The following PHACTR2 variants were observed in gnomAD, a reference collection of about 807,000 sequenced individuals.
The protein encoded by PHACTR2 is phosphatase and actin regulator 2.
In PHACTR2, 30 loss-of-function variants were observed where a neutral mutation model predicts 76.0. The ratio of observed to expected loss-of-function variants is 0.39; its 90% CI spans 0.30 to 0.54. The LOEUF (loss-of-function observed/expected upper bound fraction) is 0.54, where lower values mean the gene tolerates loss of function less well. Among genes scored for constraint, PHACTR2 ranks in the 20% least tolerant of loss-of-function variants. PHACTR2 has a pLI of 0.61. For missense variants in PHACTR2, 696 were observed against 781.1 expected (o/e 0.89, Z 1.30); for synonymous variants, 292 against 292.5 (o/e 1.00, Z 0.02).
rs759423268 is a variant in PHACTR2, at chr6:143,757,858, G to A, written c.455-2543G>A. ...ACATAGTGTTTACAGCATTGTGTTCGATGGAATTTTAAATTTCAGACAAAA... is the reference window on the plus strand; with the variant it reads ...ACATAGTGTTTACAGCATTGTGTTCAATGGAATTTTAAATTTCAGACAAAA... On this transcript the variant is annotated intron_variant, in intron 4 of 12. Transcript: ENST00000440869. This position sits in a 1 kb window ranked among gnomAD's most constrained non-coding sequence, Gnocchi z 4.2. Among the ~76,000 whole-genome samples, 43 of 152,174 alleles carry A rather than the reference G, an allele frequency of 2.8e-4. 1 individual carries two copies. In the Middle Eastern group the frequency reaches 0.021, roughly 73 times the overall value.
upstream of PHACTR2, among the ~76,000 whole-genome samples, chr6:143,675,278 T>G (rs971165895): frequency 6.6e-6 from 1 of 152,232 alleles, no homozygotes; most frequent in Non-Finnish European, 1.5e-5. This position sits in a 1 kb window ranked among gnomAD's most constrained non-coding sequence, Gnocchi z 4.9. Flanking sequence ...TAGATGCCAT[T>G]AGTCTATATT....
At chr6:143,669,540 A>T (rs1777106674) in intron 1 of PHACTR2, among the ~76,000 whole-genome samples, 1 of 152,180 alleles carries the variant, frequency 6.6e-6, no homozygotes, top group Non-Finnish European at 1.5e-5. Context: ...AACTTGCTTT[A>T]TAAATCAGGG....
At chr6:143,540,072 T>A (rs1781158793) in intron 1 of PHACTR2, among the ~76,000 whole-genome samples, 1 of 152,226 alleles carries the variant, frequency 6.6e-6, no homozygotes, top group Non-Finnish European at 1.5e-5. Flanking sequence ...GTTTGAAGAA[T>A]TTGTTTTAGT....
intron 4 of PHACTR2, among the ~76,000 whole-genome samples, chr6:143,756,005 T>C (rs1386179221): frequency 6.6e-6 from 1 of 151,974 alleles, no homozygotes; most frequent in East Asian, 1.9e-4. Context: ...ACCCTTTATT[T>C]TGGGATACAG....
chr6:143,771,585 G>A (rs924768157), intron 6 of PHACTR2, among the ~76,000 whole-genome samples: 56 of 151,230 alleles, frequency 3.7e-4, no homozygotes, highest in African/African-American at 1.3e-3. Context: ...TACAGGTGCC[G>A]GCCACCACTG....
Position 143,589,154 on chromosome 6 carries a change from T to G in PHACTR2, c.217+51947T>G, listed in dbSNP as rs971269911. 2.0e-5 allele frequency among the ~76,000 whole-genome samples: 3 copies of G among 152,192 alleles called. No homozygotes were observed. The highest frequency in any genetic ancestry group is 7.2e-5 in the African/African-American group (3 of 41,450). ...AGCAGGTATGGTCTCTTCCTAGGTA[T>G]CTCTCCTTGGCTTGCAGATGGCTGC... is the stretch of plus-strand genomic sequence containing the variant. On this transcript the variant is annotated intron_variant, in intron 1 of 11. Coordinates refer to the PHACTR2 transcript ENST00000367584. The surrounding 1 kb of genome is among the most constrained non-coding windows in gnomAD (Gnocchi z 4.4).
intron 9 of PHACTR2, among the ~76,000 whole-genome samples, chr6:143,778,884 T>C (rs1775348733): frequency 6.6e-6 from 1 of 152,222 alleles, no homozygotes; most frequent in Admixed American, 6.5e-5. Flanking sequence ...TCTGAGGAAC[T>C]GTTTCATAGA....
chr6:143,550,095 C>T lies in PHACTR2; in HGVS notation c.217+12888C>T, dbSNP rs1195218042. On this transcript the variant is annotated intron_variant, in intron 1 of 11. Coordinates refer to the PHACTR2 transcript ENST00000367584. The surrounding 1 kb of genome is among the most constrained non-coding windows in gnomAD (Gnocchi z 4.8). ...AAACGTAATGGCCTGCTGACCAGAG[C>T]TCCCACTCTGAGTTCACATATGAGT... Among the ~76,000 whole-genome samples, 5 of 152,046 alleles carry T rather than the reference C, an allele frequency of 3.3e-5. No homozygotes were observed. The highest frequency in any genetic ancestry group is 2.6e-4 in the Admixed American group (4 of 15,250).
chr6:143,656,909 A>C lies in PHACTR2; in HGVS notation c.13+48587A>C, dbSNP rs1339433916. Among the ~76,000 whole-genome samples the C allele has an allele frequency of 6.6e-6, 1 of 152,188 alleles. No individual in the cohort carries two copies. Among genetic ancestry groups the C allele is most frequent in the Non-Finnish European group, 1.5e-5 (1 of 68,038 alleles). Reference sequence around the variant, plus strand: ...GCCACACGAAAATTTAAATATTATGAATGTTGAATGGCCAACCATAAGTTC... The same window carrying C: ...GCCACACGAAAATTTAAATATTATGCATGTTGAATGGCCAACCATAAGTTC... On this transcript the variant is annotated intron_variant, in intron 1 of 11. Transcript: ENST00000305766. This position sits in a 1 kb window ranked among gnomAD's most constrained non-coding sequence, Gnocchi z 5.3.
rs1778154622 is a variant in PHACTR2 at position 143,710,677 on chromosome 6, A to G, written c.47-1339A>G. The stretch of plus-strand genomic sequence containing the variant: ...GCGCCACTGCACTCCAGCCTGGGCG[A>G]CAGAGCAAGACTCTATCTCAAAAAG... On this transcript the variant is annotated intron_variant, in intron 1 of 12. Coordinates refer to ENST00000440869, the MANE Select transcript of PHACTR2 (RefSeq NM_001100164.2). This position sits in a 1 kb window ranked among gnomAD's most constrained non-coding sequence, Gnocchi z 4.9. 6.6e-6 allele frequency among the ~76,000 whole-genome samples: 1 copy of G among 152,228 alleles called. No individual in the cohort carries two copies. Among genetic ancestry groups the G allele is most frequent in the Non-Finnish European group, 1.5e-5 (1 of 68,034 alleles).
rs200883706 is a variant in PHACTR2, at chr6:143,752,374, T to G, written c.296-1380T>G. Among the ~76,000 whole-genome samples, 8 of 152,212 alleles carry G rather than the reference T, an allele frequency of 5.3e-5. No individual in the cohort carries two copies. In the East Asian group the frequency reaches 1.5e-3, roughly 29 times the overall value. The stretch of plus-strand genomic sequence containing the variant: ...CTGGATATATTGTGTTCTCCTCCTT[T>G]TTATAGCTAATTTCTTGGGATTTAA... On this transcript the variant is annotated intron_variant, in intron 3 of 12. Coordinates refer to ENST00000440869, the MANE Select transcript of PHACTR2 (RefSeq NM_001100164.2).
upstream of PHACTR2, among the ~76,000 whole-genome samples, chr6:143,675,635 TG>T (rs1777233340): frequency 6.6e-6 from 1 of 152,152 alleles, no homozygotes; most frequent in Non-Finnish European, 1.5e-5. This position sits in a 1 kb window ranked among gnomAD's most constrained non-coding sequence, Gnocchi z 4.9. Flanking sequence ...GTGGGACCAA[TG>T]GGATAAATGC....
In PHACTR2 at chr6:143,625,829, C is replaced by A. The variant is rs568574335; in HGVS notation, c.13+17507C>A. ...TGAAGCCAACAGACAGTGACCAGAT[C>A]AACAAGTAAATGTATGATAAAATGC... On this transcript the variant is annotated intron_variant, in intron 1 of 11. Transcript: ENST00000305766. The surrounding 1 kb of genome is among the most constrained non-coding windows in gnomAD (Gnocchi z 4.3). 6.6e-6 allele frequency among the ~76,000 whole-genome samples: 1 copy of A among 152,256 alleles called. No individual in the cohort carries two copies. The highest frequency in any genetic ancestry group is 1.5e-5 in the Non-Finnish European group (1 of 68,010).
chr6:143,724,346 A>T (rs1041143836), intron 2 of PHACTR2, among the ~76,000 whole-genome samples: 1 of 151,950 alleles, frequency 6.6e-6, no homozygotes, highest in African/African-American at 2.4e-5. Context: ...GTTAGCCAGG[A>T]TGGTCTCGAT....
rs895337572 is a variant in PHACTR2, at chr6:143,801,789, T to C, written c.1846-5268T>C. Among the ~76,000 whole-genome samples the C allele has an allele frequency of 6.6e-6, 1 of 152,198 alleles. No individual in the cohort carries two copies. Among genetic ancestry groups the C allele is most frequent in the Non-Finnish European group, 1.5e-5 (1 of 68,020 alleles). On this transcript the variant is annotated intron_variant, in intron 11 of 12. Coordinates refer to ENST00000440869, the MANE Select transcript of PHACTR2 (RefSeq NM_001100164.2). This position sits in a 1 kb window ranked among gnomAD's most constrained non-coding sequence, Gnocchi z 4.6. ...GGAGGAGAAGAGGCATTCTGGTTTT[T>C]GGAATTTTCAGCCTTTCTGCCTTGG...
chr6:143,756,422 G>A (rs371460142), intron 4 of PHACTR2, among the ~76,000 whole-genome samples: 3 of 152,156 alleles, frequency 2.0e-5, no homozygotes, highest in East Asian at 1.9e-4. Flanking sequence ...AAGGCCGGGC[G>A]CCGTGGCTCA....
In PHACTR2 at chr6:143,608,683, A is replaced by G. The variant is rs1003158133; in HGVS notation, c.13+361A>G. ...GGCACAAGGTAGATGGAATTAAGTT[A>G]ATGAGCTGAGCAAAAATTCTGTGTA... On this transcript the variant is annotated intron_variant, in intron 1 of 11. Transcript: ENST00000305766. This position sits in a 1 kb window ranked among gnomAD's most constrained non-coding sequence, Gnocchi z 4.6. Among the ~76,000 whole-genome samples, 18 of 152,216 alleles carry G rather than the reference A, an allele frequency of 1.2e-4. No individual in the cohort carries two copies. Among genetic ancestry groups the G allele is most frequent in the Admixed American group, 3.3e-4 (5 of 15,284 alleles).
chr6:143,660,567 G>A (rs192411394), intron 1 of PHACTR2, among the ~76,000 whole-genome samples: 98 of 152,266 alleles, frequency 6.4e-4, no homozygotes, highest in Admixed American at 2.3e-3. Context: ...GTATTGATAC[G>A]GATCAGGTTC....
chr6:143,601,013 G>A (rs1775809637), intron 1 of PHACTR2, among the ~76,000 whole-genome samples: 1 of 152,268 alleles, frequency 6.6e-6, no homozygotes, highest in African/African-American at 2.4e-5. Flanking sequence ...TGCATCTTGA[G>A]GCACATTTCT....
Sources: gnomAD v4.1 joint callset for allele counts (sites outside exome capture counted in the v4.1 genomes callset) on GRCh38, gnomAD v4.1.1 for gene constraint, Gnocchi (gnomAD v3.1) non-coding constraint, MANE v1.5 for transcripts, NCBI Gene and HGNC (gene_info 2026-07-23, HGNC 2026-07-21) for gene names.